Variants in OSBPL9 observed in about 807,000 individuals in gnomAD.
OSBPL9 encodes the protein oxysterol binding protein like 9, also known as oxysterol-binding protein-related protein 9.
In OSBPL9, 40 loss-of-function variants were observed where a neutral mutation model predicts 106.6. That is an observed-to-expected ratio of 0.38 (90% CI 0.29 to 0.49). OSBPL9 has a LOEUF of 0.49. Among genes scored for constraint, OSBPL9 ranks in the 20% least tolerant of loss-of-function variants. The probability of loss-of-function intolerance (pLI) is 0.97; values close to 1 mark genes in which losing one functional copy is unlikely to be tolerated. For missense variants in OSBPL9, 609 were observed against 887.2 expected (o/e 0.69, Z 3.98); for synonymous variants, 269 against 295.4 (o/e 0.91, Z 0.92).
At chr1:51,773,348 G>A (rs1036629240) in intron 14 of OSBPL9, among the ~76,000 whole-genome samples, 5 of 152,096 alleles carry the variant, frequency 3.3e-5, no homozygotes, top group African/African-American at 4.8e-5. Context: ...GTGTATGGGT[G>A]CCTTTGTATA....
intron 1 of OSBPL9, among the ~76,000 whole-genome samples, chr1:51,585,875 T>A (rs1040091287): frequency 5.3e-5 from 8 of 151,612 alleles, no homozygotes; most frequent in African/African-American, 7.3e-5. Flanking sequence ...TTTTTTTTTT[T>A]AATTAAAAGG....
At chr1:51,594,661 A>G (rs1645291513) in intron 1 of OSBPL9, among the ~76,000 whole-genome samples, 1 of 152,196 alleles carries the variant, frequency 6.6e-6, no homozygotes, top group African/African-American at 2.4e-5. Context: ...TTAATAGAGA[A>G]AGAAATTGAA....
intron 15 of OSBPL9, among the ~76,000 whole-genome samples, chr1:51,780,792 T>C (rs940375558): frequency 1.4e-5 from 2 of 147,050 alleles, no homozygotes; most frequent in East Asian, 4.2e-4. Context: ...CAGTGGACTT[T>C]GGGGCTTCAA....
At chr1:51,754,928 A>G (rs1571563114) in intron 8 of OSBPL9, among the ~76,000 whole-genome samples, 1 of 152,206 alleles carries the variant, frequency 6.6e-6, no homozygotes, top group South Asian at 2.1e-4. Flanking sequence ...TGCCTCAGCC[A>G]CCTGAGTAGC....
chr1:51,724,322 C>T (rs1662705982), intron 4 of OSBPL9, among the ~76,000 whole-genome samples: 1 of 151,988 alleles, frequency 6.6e-6, no homozygotes, highest in Non-Finnish European at 1.5e-5. Flanking sequence ...CTCACTCTGT[C>T]GCCTGGGCTG....
At chr1:51,641,213 A>C (rs1478926199) in intron 1 of OSBPL9, among the ~76,000 whole-genome samples, 1 of 152,226 alleles carries the variant, frequency 6.6e-6, no homozygotes, top group Admixed American at 6.5e-5. Context: ...TGAGATTATT[A>C]TGAGCTATTC....
At chr1:51,767,215 A>G (rs1216213226) in intron 12 of OSBPL9, among the ~76,000 whole-genome samples, 2 of 151,872 alleles carry the variant, frequency 1.3e-5, no homozygotes, top group Non-Finnish European at 2.9e-5. Flanking sequence ...GCAACATGGT[A>G]AAACCCTGTC....
At chr1:51,693,903 A>G (rs1338650419) in intron 3 of OSBPL9, among the ~76,000 whole-genome samples, 1 of 152,242 alleles carries the variant, frequency 6.6e-6, no homozygotes, top group Non-Finnish European at 1.5e-5. Context: ...ACCCACAGAT[A>G]CATAATGAGC....
chr1:51,679,551 C>G (rs1652048282), intron 3 of OSBPL9, among the ~76,000 whole-genome samples: 1 of 152,168 alleles, frequency 6.6e-6, no homozygotes. Context: ...TTTCAGTTAC[C>G]TGTGGTCAGC....
chr1:51,535,937 A>T, the OSBPL9 span, among the ~76,000 whole-genome samples: 1 of 152,328 alleles, frequency 6.6e-6, no homozygotes, highest in East Asian at 1.9e-4. Flanking sequence ...GAAATATTAC[A>T]AAGAATTCCC....
intron 3 of OSBPL9, among the ~76,000 whole-genome samples, chr1:51,711,510 G>A (rs1281067299): frequency 7.4e-5 from 10 of 135,736 alleles, no homozygotes; most frequent in Admixed American, 7.2e-5. Context: ...CCGGGCGGGG[G>A]GCTGACCCCC....
At chr1:51,744,405 T>G (rs1667550954) in intron 4 of OSBPL9, among the ~76,000 whole-genome samples, 3 of 152,242 alleles carry the variant, frequency 2.0e-5, no homozygotes, top group African/African-American at 7.2e-5. Flanking sequence ...GCCAGCCCAT[T>G]ACTGTTTCCA....
chr1:51,781,570 A>C (rs2149143544), intron 16 of OSBPL9: 1 of 380,970 alleles, frequency 2.6e-6, no homozygotes, highest in Non-Finnish European at 4.8e-6. Context: ...ACCATAATAT[A>C]ATTTTATGGC....
intron 23 of OSBPL9, 21 bp downstream of exon 23, chr1:51,787,509 CTCCTAAGTGCTGT>C (rs1434018901): frequency 1.3e-5 from 21 of 1,613,450 alleles, no homozygotes; most frequent in Non-Finnish European, 1.8e-5. Flanking sequence ...CTGCCCCACC[CTCCTAAGTGCTGT>C]TCCTCCTAAT....
At chr1:51,752,207 T>C (rs1353256346) in intron 8 of OSBPL9, among the ~76,000 whole-genome samples, 1 of 152,040 alleles carries the variant, frequency 6.6e-6, no homozygotes, top group Non-Finnish European at 1.5e-5. Flanking sequence ...TTGGCTCATT[T>C]CTTTTTCTCA....
chr1:51,762,357 C>T (rs1213045780), intron 11 of OSBPL9, among the ~76,000 whole-genome samples: 5 of 152,116 alleles, frequency 3.3e-5, no homozygotes, highest in Non-Finnish European at 7.4e-5. Context: ...AGAGAGGAGT[C>T]TCCCTATGTT....
chr1:51,536,869 T>C, the OSBPL9 span, among the ~76,000 whole-genome samples: 1 of 152,254 alleles, frequency 6.6e-6, no homozygotes, highest in East Asian at 1.9e-4. Context: ...CCATTATTGA[T>C]GGTGTTCACT....
intron 1 of OSBPL9, among the ~76,000 whole-genome samples, chr1:51,641,695 CT>C (rs748344614): frequency 1.3e-5 from 2 of 152,100 alleles, no homozygotes; most frequent in African/African-American, 2.4e-5. Context: ...CTAGCAGGGC[CT>C]TACAAATGTG....
intron 15 of OSBPL9, among the ~76,000 whole-genome samples, chr1:51,780,279 C>T (rs186898898): frequency 5.3e-5 from 8 of 151,372 alleles, no homozygotes; most frequent in African/African-American, 1.9e-4. Context: ...GGAATGTAAA[C>T]TAGTACAACC....
Sources: gnomAD v4.1 joint callset for allele counts (sites outside exome capture counted in the v4.1 genomes callset) on GRCh38, gnomAD v4.1.1 for gene constraint, MANE v1.5 for transcripts, NCBI Gene and HGNC (gene_info 2026-07-23, HGNC 2026-07-21) for gene names.